FDFT1: variants seen among roughly 807,000 people sequenced by gnomAD.
FDFT1 encodes the protein squalene synthase.
In FDFT1, 68 loss-of-function variants were observed where a neutral mutation model predicts 46.8. The observed-to-expected ratio is 1.45, with a 90% CI of 1.19 to 1.78. The LOEUF is 1.78. Among genes scored for constraint, FDFT1 ranks in the 40% most tolerant of loss-of-function variants. FDFT1 has a pLI of 0.00. For synonymous variants in FDFT1, 351 were observed against 185.1 expected (o/e 1.90, Z -7.28); for missense variants, 928 against 524.4 (o/e 1.77, Z -7.52).
rs1810855202 is a variant in FDFT1, at chr8:11,831,898, C to G, written c.1032+228C>G. On this transcript the variant is annotated intron_variant, in intron 7 of 7. Coordinates refer to ENST00000220584, the MANE Select transcript of FDFT1 (RefSeq NM_004462.5). ...GTGAGAGGAGATAAATGGAGCAAGGCTGTAGGTTGGAGCCCCTCAGTAGAA... is the reference window on the plus strand; with the variant it reads ...GTGAGAGGAGATAAATGGAGCAAGGGTGTAGGTTGGAGCCCCTCAGTAGAA... The G allele has an allele frequency of 1.4e-5, 6 of 442,950 alleles. No homozygotes were observed. The Admixed American group carries it at 1.5e-4, about 11-fold the overall frequency. 27.4% of individuals were successfully genotyped at this position (442,950 alleles called of 1,614,324 possible). A position where few individuals can be genotyped will look rare whatever the true frequency, so the allele number is the denominator to read the frequency against.
chr8:11,825,704 T>TA (rs1809874337), intron 4 of FDFT1, among the ~76,000 whole-genome samples: 2 of 148,404 alleles, frequency 1.3e-5, no homozygotes, highest in South Asian at 2.1e-4. Context: ...AAATAAAAAA[T>TA]AAAAATAAAA....
upstream of FDFT1, among the ~76,000 whole-genome samples, chr8:11,797,627 T>A (rs182762576): frequency 1.1e-5 from 1 of 93,322 alleles, no homozygotes; most frequent in East Asian, 3.8e-4. Flanking sequence ...TGTCTGTCTC[T>A]CACACACACT....
intron 3 of FDFT1, among the ~76,000 whole-genome samples, chr8:11,812,721 A>G (rs994026139): frequency 2.0e-5 from 3 of 152,204 alleles, no homozygotes; most frequent in Non-Finnish European, 4.4e-5. Flanking sequence ...GGCCTTGCAG[A>G]ATTTAGGAAT....
intron 3 of FDFT1, among the ~76,000 whole-genome samples, chr8:11,819,704 T>G (rs1219635107): frequency 6.6e-6 from 1 of 152,092 alleles, no homozygotes; most frequent in Non-Finnish European, 1.5e-5. Flanking sequence ...TCAGGTCATT[T>G]AAGCTCTTCT....
chr8:11,807,258 C>G (rs1039431217), intron 1 of FDFT1, among the ~76,000 whole-genome samples: 1 of 152,218 alleles, frequency 6.6e-6, no homozygotes. Context: ...CCACCTCAGC[C>G]TCCTGAGTAG....
At chr8:11,798,277 C>T (rs1805766585), upstream of FDFT1, 1 of 152,168 alleles carries the variant, frequency 6.6e-6, no homozygotes, top group Admixed American at 6.5e-5. Flanking sequence ...CCAGGCTGGT[C>T]TCAAAGTCCT....
At chr8:11,827,716 C>A (rs984507208) in intron 5 of FDFT1, among the ~76,000 whole-genome samples, 1 of 152,082 alleles carries the variant, frequency 6.6e-6, no homozygotes, top group Non-Finnish European at 1.5e-5. Context: ...TGAAAAGATG[C>A]TGAGTCTTAC....
chr8:11,834,342 C>A (rs927312830), intron 7 of FDFT1, among the ~76,000 whole-genome samples: 1 of 152,212 alleles, frequency 6.6e-6, no homozygotes, highest in Non-Finnish European at 1.5e-5. Flanking sequence ...GATCAACCTG[C>A]TATTTTGGGA....
At chr8:11,804,266 C>T (rs1301496391) in intron 1 of FDFT1, among the ~76,000 whole-genome samples, 1 of 152,202 alleles carries the variant, frequency 6.6e-6, no homozygotes, top group Non-Finnish European at 1.5e-5. Flanking sequence ...TGGGTCCAGA[C>T]TTCATTCCTC....
In FDFT1 at chr8:11,826,130, C is replaced by G. The variant is rs1214825680; in HGVS notation, c.617C>G (p.Ser206Cys). 6.2e-7 allele frequency: 1 copy of G among 1,609,620 alleles called. No homozygotes were observed. Among genetic ancestry groups the G allele is most frequent in the Non-Finnish European group, 8.5e-7 (1 of 1,176,540 alleles). Residue 206 changes from serine to cysteine, a missense_variant, in exon 5 of 8, where the codon TCT (serine) becomes TGT (cysteine). Ser to Cys is a moderately radical substitution (Grantham distance 112, BLOSUM62 -1). Transcript: ENST00000220584. ...LVGEDTERAN[S>C]MGLFLQKTNI... is the part of the protein sequence containing the mutation. ...GGTGAAGATACAGAACGTGCCAACTCTATGGGCCTGTTTTTGCAGAAAACA... is the reference window on the plus strand; with the variant it reads ...GGTGAAGATACAGAACGTGCCAACTGTATGGGCCTGTTTTTGCAGAAAACA...
At chr8:11,803,638 A>C (rs1239712380) in intron 1 of FDFT1, 3 of 504,750 alleles carry the variant, frequency 5.9e-6, no homozygotes, top group Non-Finnish European at 8.9e-6. Context: ...TTATTGAATG[A>C]ATAGACAAAT....
Position 11,838,665 on chromosome 8 carries a change from T to C in FDFT1, c.*56T>C, listed in dbSNP as rs999591307. On this transcript the variant is annotated 3_prime_UTR_variant, in exon 8 of 8. Coordinates refer to ENST00000220584, the MANE Select transcript of FDFT1 (RefSeq NM_004462.5). The stretch of plus-strand genomic sequence containing the variant: ...ATAAAGTGGATTTACTTTTTTTCTT[T>C]AAGGATGGATGTTGTGTTCTCTTTA... The C allele has an allele frequency of 1.0e-4, 135 of 1,298,730 alleles. No homozygotes were observed. Among genetic ancestry groups the C allele is most frequent in the Admixed American group, 2.9e-4 (17 of 58,944 alleles). The allele number at this position is 1,298,730 out of a possible 1,614,324, so 80.5% of individuals were successfully genotyped here.
At position 11,808,647 on chromosome 8, in the gene FDFT1, G is replaced by C. The variant is rs144913726; in HGVS notation, c.100-147G>C. ...GCGGGGCTGCTGCTTGCCTCCTGCC[G>C]CCTGGCCCTGCAAGGACTGGCCTCG... On this transcript the variant is annotated intron_variant, in intron 1 of 7. Transcript: ENST00000220584. The C allele has an allele frequency of 2.1e-6, 3 of 1,405,856 alleles. No homozygotes were observed. The South Asian group carries it at 4.6e-5, about 22-fold the overall frequency. The allele number at this position is 1,405,856 out of a possible 1,614,324, so 87.1% of individuals were successfully genotyped here.
intron 3 of FDFT1, among the ~76,000 whole-genome samples, chr8:11,820,783 C>A (rs1458519617): frequency 6.6e-6 from 1 of 152,206 alleles, no homozygotes; most frequent in African/African-American, 2.4e-5. Context: ...CACGCCTTTC[C>A]TTGGCTAGGA....
In FDFT1 at chr8:11,830,423, A is replaced by G. The variant is rs1810617959; in HGVS notation, c.879+3A>G. ...TTAACTTCTGTGCTATTCCACAGGT[A>G]GGGAAGGGGGCTCCTCTGGGTGGAT... On this transcript the variant is annotated splice_donor_region_variant and intron_variant, in intron 6 of 7. Coordinates refer to ENST00000220584, the MANE Select transcript of FDFT1 (RefSeq NM_004462.5). 6.2e-7 allele frequency: 1 copy of G among 1,610,752 alleles called. No homozygotes were observed. The highest frequency in any genetic ancestry group is 8.5e-7 in the Non-Finnish European group (1 of 1,177,558).
chr8:11,836,790 C>A (rs62495674), intron 7 of FDFT1, among the ~76,000 whole-genome samples: 1 of 152,216 alleles, frequency 6.6e-6, no homozygotes, highest in Non-Finnish European at 1.5e-5. Context: ...AATCCCAGCC[C>A]TTTGGGAGGC....
At chr8:11,796,767 C>T (rs1206067063) in intron 1 of FDFT1, among the ~76,000 whole-genome samples, 1 of 152,208 alleles carries the variant, frequency 6.6e-6, no homozygotes, top group Non-Finnish European at 1.5e-5. Context: ...GGTTTTCTTG[C>T]AGGACAGGCA....
intron 3 of FDFT1, among the ~76,000 whole-genome samples, chr8:11,814,519 C>T (rs28622563): frequency 0.077 from 11,733 of 152,176 alleles, 1,483 homozygotes; most frequent in African/African-American, 0.26. Context: ...AATCTCTTCA[C>T]TGTTTGCAGT....
chr8:11,813,700 C>G (rs1585902021), intron 3 of FDFT1, among the ~76,000 whole-genome samples: 1 of 152,150 alleles, frequency 6.6e-6, no homozygotes, highest in Non-Finnish European at 1.5e-5. Context: ...CTCCATTATC[C>G]CTGTGAACTC....
Sources: allele counts gnomAD v4.1 joint callset (sites outside exome capture counted in the v4.1 genomes callset), GRCh38; gene constraint gnomAD v4.1.1; transcripts MANE v1.5; gene names NCBI Gene and HGNC (gene_info 2026-07-23, HGNC 2026-07-21).